Variants in SRD5A2 observed in about 807,000 individuals in gnomAD.
SRD5A2 encodes 3-oxo-5-alpha-steroid 4-dehydrogenase 2.
SRD5A2 carries 30 observed loss-of-function variants against 27.4 expected under a neutral mutation model. That is an observed-to-expected ratio of 1.10 (90% CI 0.82 to 1.49). SRD5A2 has a LOEUF of 1.49. Among genes scored for constraint, SRD5A2 ranks in the 40% most tolerant of loss-of-function variants. SRD5A2 has a pLI of 0.00. For missense variants in SRD5A2, 348 were observed against 323.4 expected (o/e 1.08, Z -0.58); for synonymous variants, 141 against 133.6 (o/e 1.06, Z -0.38).
chr2:31,611,289 T>G, the SRD5A2 span, among the ~76,000 whole-genome samples: 7 of 152,150 alleles, frequency 4.6e-5, no homozygotes, highest in African/African-American at 1.7e-4. Flanking sequence ...AAATAAATGC[T>G]GTCATTATTT....
At chr2:31,569,751 G>A (rs1293623356) in intron 1 of SRD5A2, among the ~76,000 whole-genome samples, 1 of 149,902 alleles carries the variant, frequency 6.7e-6, no homozygotes, top group Non-Finnish European at 1.5e-5. Flanking sequence ...TTCAAAATGT[G>A]TCATAGACCT....
rs28383031 is a variant in SRD5A2, at chr2:31,536,612, T to A, written c.282-2846A>T. 4.1e-3 allele frequency among the ~76,000 whole-genome samples: 617 copies of A among 152,320 alleles called. 7 individuals carry two copies. Among genetic ancestry groups the A allele is most frequent in the African/African-American group, 0.014 (598 of 41,572 alleles). On this transcript the variant is annotated intron_variant, in intron 1 of 4. Transcript: ENST00000622030. ...GAACACATGGTACAGACAGAAGACT[T>A]TGGAGAACTAGATGTCCCGGAGAAC...
chr2:31,543,257 G>C (rs897275088), intron 1 of SRD5A2, among the ~76,000 whole-genome samples: 12 of 152,190 alleles, frequency 7.9e-5, no homozygotes, highest in Non-Finnish European at 1.8e-4. Flanking sequence ...CAAAAGCTGA[G>C]ATAGCTTGCT....
the SRD5A2 span, among the ~76,000 whole-genome samples, chr2:31,634,890 ATT>A: frequency 6.6e-6 from 1 of 152,172 alleles, no homozygotes; most frequent in East Asian, 1.9e-4. Context: ...GTTGAATAAT[ATT>A]CCATTGGGTA....
At chr2:31,550,401 A>T (rs1348013694) in intron 1 of SRD5A2, among the ~76,000 whole-genome samples, 1 of 151,770 alleles carries the variant, frequency 6.6e-6, no homozygotes, top group Non-Finnish European at 1.5e-5. Flanking sequence ...CTAATCCAAA[A>T]AAAAAAAAGG....
the SRD5A2 span, among the ~76,000 whole-genome samples, chr2:31,590,947 A>C: frequency 3.9e-5 from 6 of 152,342 alleles, no homozygotes; most frequent in South Asian, 1.2e-3. Context: ...AAGATGGATT[A>C]AAGACTTAAA....
chr2:31,654,075 A>C, the SRD5A2 span, among the ~76,000 whole-genome samples: 24,586 of 151,770 alleles, frequency 0.16, 2,193 homozygotes, highest in African/African-American at 0.23. Flanking sequence ...AAGAGAAGTA[A>C]AGAAAGTTAA....
the SRD5A2 span, among the ~76,000 whole-genome samples, chr2:31,636,672 T>C: frequency 1.3e-5 from 2 of 152,226 alleles, no homozygotes; most frequent in East Asian, 1.9e-4. Flanking sequence ...GATGAGGGTT[T>C]TTATCATAAA....
intron 1 of SRD5A2, among the ~76,000 whole-genome samples, chr2:31,572,359 T>C (rs1255007375): frequency 6.6e-6 from 1 of 152,154 alleles, no homozygotes; most frequent in Non-Finnish European, 1.5e-5. Context: ...GGTAGTATGC[T>C]TATTACTGGG....
At chr2:31,604,373 T>C in the SRD5A2 span, among the ~76,000 whole-genome samples, 1 of 151,846 alleles carries the variant, frequency 6.6e-6, no homozygotes, top group African/African-American at 2.4e-5. Context: ...TATGTTCTCA[T>C]ATTTAGAAAA....
At chr2:31,648,842 T>C in the SRD5A2 span, among the ~76,000 whole-genome samples, 1 of 152,206 alleles carries the variant, frequency 6.6e-6, no homozygotes, top group Non-Finnish European at 1.5e-5. Context: ...ATATGCTTTG[T>C]CCTCTGAGTA....
At chr2:31,554,200 A>G (rs996960575) in intron 1 of SRD5A2, among the ~76,000 whole-genome samples, 1 of 152,118 alleles carries the variant, frequency 6.6e-6, no homozygotes, top group Non-Finnish European at 1.5e-5. Context: ...ATCTAGGAGA[A>G]AGGGAAAAAG....
chr2:31,583,993 G>A (rs551166297), upstream of SRD5A2, among the ~76,000 whole-genome samples: 12 of 152,092 alleles, frequency 7.9e-5, no homozygotes, highest in African/African-American at 1.7e-4. Context: ...GGATTAGCTC[G>A]TTTGAATACT....
chr2:31,595,462 G>T, the SRD5A2 span, among the ~76,000 whole-genome samples: 3 of 152,090 alleles, frequency 2.0e-5, no homozygotes, highest in Non-Finnish European at 4.4e-5. Flanking sequence ...TAAGGGGATG[G>T]ATAAATTTCT....
At chr2:31,657,979 C>T in the SRD5A2 span, among the ~76,000 whole-genome samples, 1 of 152,052 alleles carries the variant, frequency 6.6e-6, no homozygotes, top group South Asian at 2.1e-4. Flanking sequence ...AAATACCGAA[C>T]ACAGGCTGGA....
chr2:31,557,519 T>C (rs1666524222), intron 1 of SRD5A2, among the ~76,000 whole-genome samples: 1 of 152,226 alleles, frequency 6.6e-6, no homozygotes, highest in Non-Finnish European at 1.5e-5. Context: ...TCAAGGGTTA[T>C]ACCATAGGAA....
At chr2:31,629,564 A>G in the SRD5A2 span, among the ~76,000 whole-genome samples, 1 of 152,136 alleles carries the variant, frequency 6.6e-6, no homozygotes, top group Non-Finnish European at 1.5e-5. Context: ...AGGGCTTTCT[A>G]GCAATCCCCA....
chr2:31,646,414 C>A, the SRD5A2 span, among the ~76,000 whole-genome samples: 1 of 152,118 alleles, frequency 6.6e-6, no homozygotes, highest in Non-Finnish European at 1.5e-5. Context: ...CAAGGCTACC[C>A]AAGGCTGCTA....
chr2:31,630,779 T>C, the SRD5A2 span, among the ~76,000 whole-genome samples: 1 of 152,184 alleles, frequency 6.6e-6, no homozygotes, highest in African/African-American at 2.4e-5. Context: ...GATTTAACAT[T>C]AACCACTGAA....
Sources: allele counts gnomAD v4.1 joint callset (sites outside exome capture counted in the v4.1 genomes callset), GRCh38; gene constraint gnomAD v4.1.1; transcripts MANE v1.5; gene names NCBI Gene and HGNC (gene_info 2026-07-23, HGNC 2026-07-21).